Variants in CBFA2T3 observed in about 807,000 individuals in gnomAD.
The protein encoded by CBFA2T3 is transcriptional corepressor CBFA2T3.
CBFA2T3 carries 31 observed loss-of-function variants against 58.6 expected under a neutral mutation model. The observed-to-expected ratio is 0.53, with a 90% confidence interval of 0.40 to 0.71. CBFA2T3 has a LOEUF of 0.71. CBFA2T3 is among the 30% of genes least tolerant of loss of function. CBFA2T3 has a pLI of 0.00. For synonymous variants in CBFA2T3, 531 were observed against 421.9 expected (o/e 1.26, Z -3.17); for missense variants, 1,076 against 963.1 (o/e 1.12, Z -1.55).
At chr16:88,964,909 TATCCATCCATCCATCCATCC>T (rs56700700) in intron 1 of CBFA2T3, among the ~76,000 whole-genome samples, 1,950 of 143,894 alleles carry the variant, frequency 0.014, 27 homozygotes, top group Middle Eastern at 0.035. Context: ...TCTATCCACT[TATCCATCCATCCATCCATCC>T]ATCCATCCAT....
intron 1 of CBFA2T3, among the ~76,000 whole-genome samples, chr16:88,913,672 C>T (rs1007813977): frequency 1.3e-5 from 2 of 152,174 alleles, no homozygotes; most frequent in African/African-American, 2.4e-5. Context: ...CCAGCAATTC[C>T]ACCTTCAGGA....
chr16:88,942,004 C>T (rs1030732934), intron 1 of CBFA2T3, among the ~76,000 whole-genome samples: 1 of 151,776 alleles, frequency 6.6e-6, no homozygotes, highest in Non-Finnish European at 1.5e-5. Context: ...GTCGCGCTCC[C>T]CCCGCTCAGC....
chr16:88,944,473 G>T (rs569658042), intron 1 of CBFA2T3, among the ~76,000 whole-genome samples: 1 of 152,282 alleles, frequency 6.6e-6, no homozygotes, highest in Non-Finnish European at 1.5e-5. Flanking sequence ...ACCGTGCCTG[G>T]CTCTAGGGCC....
At chr16:88,959,037 C>T (rs1972299510) in intron 1 of CBFA2T3, among the ~76,000 whole-genome samples, 1 of 152,186 alleles carries the variant, frequency 6.6e-6, no homozygotes, top group Admixed American at 6.5e-5. Context: ...CGCACCAACC[C>T]AGGGCCAGGA....
rs74033209 is a variant in CBFA2T3, at chr16:88,947,358, C to T, written c.151+29299G>A. Among the ~76,000 whole-genome samples the T allele has an allele frequency of 1.0e-2, 1,518 of 152,334 alleles. 33 individuals carry two copies. Among genetic ancestry groups the T allele is most frequent in the African/African-American group, 0.035 (1,440 of 41,570 alleles). ...CAGATACAAACAGACTCTTCTGCAG[C>T]GCCTGAATCTCTACATGGCCCTTCT... On this transcript the variant is annotated intron_variant, in intron 1 of 11. Transcript: ENST00000268679.
intron 1 of CBFA2T3, among the ~76,000 whole-genome samples, chr16:88,929,882 C>A (rs1472414203): frequency 1.3e-5 from 2 of 149,220 alleles, no homozygotes; most frequent in African/African-American, 5.2e-5. Context: ...GCATCATCCA[C>A]GCAAAAGTCA....
At chr16:88,960,336 G>T (rs1972327191) in intron 1 of CBFA2T3, among the ~76,000 whole-genome samples, 1 of 152,240 alleles carries the variant, frequency 6.6e-6, no homozygotes, top group South Asian at 2.1e-4. Context: ...CCAGGTGCCA[G>T]GTCGACGGGG....
At chr16:88,966,690 C>T (rs2142874916) in intron 1 of CBFA2T3, among the ~76,000 whole-genome samples, 1 of 146,464 alleles carries the variant, frequency 6.8e-6, no homozygotes, top group East Asian at 2.2e-4. Context: ...CACTGCCTGC[C>T]ATCACCAACA....
At chr16:88,905,703 G>A (rs1287528645) in intron 1 of CBFA2T3, among the ~76,000 whole-genome samples, 4 of 137,926 alleles carry the variant, frequency 2.9e-5, no homozygotes, top group Non-Finnish European at 6.3e-5. Context: ...TGAAGGAGGG[G>A]CGGGGCTGGA....
intron 2 of CBFA2T3, 42 bp downstream of exon 2, chr16:88,901,462 C>A: frequency 8.4e-7 from 1 of 1,197,316 alleles, no homozygotes. Flanking sequence ...AGGGCCTCCC[C>A]TGAAACACCT....
At chr16:88,964,253 C>T (rs1401241826) in intron 1 of CBFA2T3, among the ~76,000 whole-genome samples, 1 of 152,228 alleles carries the variant, frequency 6.6e-6, no homozygotes, top group Non-Finnish European at 1.5e-5. Context: ...GACAGGGCTT[C>T]GACCCACCAG....
At chr16:88,954,400 C>CCCACGGCTGCTGACCCCAG (rs1972158887) in intron 1 of CBFA2T3, among the ~76,000 whole-genome samples, 1 of 71,370 alleles carries the variant, frequency 1.4e-5, no homozygotes. Flanking sequence ...CCTGACCCTA[C>CCCACGGCTGCTGACCCCAG]CCAAGACTCC....
At chr16:88,899,296 G>A (rs1486641605) in intron 2 of CBFA2T3, among the ~76,000 whole-genome samples, 4 of 152,090 alleles carry the variant, frequency 2.6e-5, no homozygotes, top group Admixed American at 1.3e-4. Flanking sequence ...GCAGGGGTGC[G>A]GCCAACCACC....
rs776123040 is a variant in CBFA2T3, at chr16:88,901,574, G to A, written c.234C>T (p.Pro78=). 2.7e-6 allele frequency: 4 copies of A among 1,490,090 alleles called. No homozygotes were observed. The highest frequency in any genetic ancestry group is 1.5e-5 in the African/African-American group (1 of 67,578). The allele number at this position is 1,490,090 out of a possible 1,614,324, so 92.3% of individuals were successfully genotyped here. A position where few individuals can be genotyped will look rare whatever the true frequency, so the allele number is the denominator to read the frequency against. ...EVKTQPRSTP[P]SMPPPPPAAS... is the part of the protein sequence containing the mutation. ...CGGCAGGCGGTGGGGGCGGCATGCT[G>A]GGGGGTGTGGACCGGGGCTGCGTCT... The change falls in exon 2 of 12, where the codon CCC becomes CCT. Residue 78 remains proline, a synonymous_variant. Coordinates refer to ENST00000268679, the MANE Select transcript of CBFA2T3 (RefSeq NM_005187.6).
chr16:88,976,787 C>A lies in CBFA2T3; in HGVS notation c.21G>T (p.Arg7Ser). 1 of 1,555,400 alleles carries A rather than the reference C, an allele frequency of 6.4e-7. No individual in the cohort carries two copies. The highest frequency in any genetic ancestry group is 2.4e-5 in the East Asian group (1 of 41,876). The change falls in exon 1 of 12, where the codon AGG becomes AGT. Residue 7 changes from arginine (R) to serine (S), a missense_variant. Coordinates refer to ENST00000268679, the MANE Select transcript of CBFA2T3 (RefSeq NM_005187.6). MPASRL[R>S]DRAASSASGS... ...CCGAGGCTGAACTGGCTGCCCTGTC[C>A]CTCAGTCTTGAAGCCGGCATGAGGA...
intron 3 of CBFA2T3, among the ~76,000 whole-genome samples, chr16:88,894,237 T>C (rs1197604741): frequency 2.9e-5 from 2 of 68,608 alleles, no homozygotes; most frequent in African/African-American, 6.9e-5. Context: ...CACACACACA[T>C]GCATACATAT....
chr16:88,892,619 C>T (rs1299509540), intron 3 of CBFA2T3, 134 bp from the exon 4 acceptor site: 2 of 1,063,980 alleles, frequency 1.9e-6, no homozygotes, highest in African/African-American at 3.1e-5. Flanking sequence ...GACACAAGGA[C>T]AGTAGCGCTG....
At chr16:88,891,243 C>T (rs966357304) in intron 5 of CBFA2T3, among the ~76,000 whole-genome samples, 1 of 152,176 alleles carries the variant, frequency 6.6e-6, no homozygotes, top group Non-Finnish European at 1.5e-5. Context: ...TGCTGTTCCT[C>T]AAGCACAGCG....
At chr16:88,967,582 G>C (rs1972546748) in intron 1 of CBFA2T3, among the ~76,000 whole-genome samples, 1 of 152,172 alleles carries the variant, frequency 6.6e-6, no homozygotes, top group South Asian at 2.1e-4. Flanking sequence ...AGGTGGGGTG[G>C]CCTTCCGGGC....
Sources: allele counts gnomAD v4.1 joint callset (sites outside exome capture counted in the v4.1 genomes callset), GRCh38; gene constraint gnomAD v4.1.1; transcripts MANE v1.5; gene names NCBI Gene and HGNC (gene_info 2026-07-23, HGNC 2026-07-21).